Variants in NEDD4L observed in about 807,000 individuals in gnomAD.
NEDD4L encodes E3 ubiquitin-protein ligase NEDD4-like.
Under a neutral mutation model 148.9 loss-of-function variants are expected in NEDD4L, and 54 were observed. The observed-to-expected ratio is 0.36, with a 90% confidence interval of 0.29 to 0.45. The LOEUF is 0.45. Ranked by LOEUF, NEDD4L falls within the 20% of genes least tolerant of loss-of-function variation. The probability of loss-of-function intolerance (pLI) is 1.00; values close to 1 mark genes in which losing one functional copy is unlikely to be tolerated. For missense variants in NEDD4L, 856 were observed against 1,233.8 expected (o/e 0.69, Z 4.59); for synonymous variants, 433 against 440.7 (o/e 0.98, Z 0.22).
At chr18:58,361,536 C>T (rs1353008192) in intron 19 of NEDD4L, among the ~76,000 whole-genome samples, 1 of 152,182 alleles carries the variant, frequency 6.6e-6, no homozygotes, top group Non-Finnish European at 1.5e-5. Flanking sequence ...GTCAGAAGCT[C>T]AGAAAGCTTA....
At chr18:58,355,139 G>A (rs1456846410) in intron 18 of NEDD4L, among the ~76,000 whole-genome samples, 1 of 152,138 alleles carries the variant, frequency 6.6e-6, no homozygotes, top group Non-Finnish European at 1.5e-5. Flanking sequence ...AGATCCTTTT[G>A]GCAGAGCTGT....
At chr18:58,108,686 G>A (rs974616033) in intron 1 of NEDD4L, among the ~76,000 whole-genome samples, 48 of 152,228 alleles carry the variant, frequency 3.2e-4, no homozygotes, top group African/African-American at 1.2e-3. Context: ...CCCCCAAAGT[G>A]TTGCGATTAC....
rs2059738742 is a variant in NEDD4L at position 58,330,940 on chromosome 18, A to G, written c.990+26A>G. The stretch of plus-strand genomic sequence containing the variant: ...GTAAGTAGTGGCCTTGTTTGAAAGA[A>G]AAGCTGAGCAATGTTTTATTGTTTT... On this transcript the variant is annotated intron_variant, in intron 11 of 30. Transcript: ENST00000400345. 3 of 1,607,688 alleles carry G rather than the reference A, an allele frequency of 1.9e-6. No homozygotes were observed. In the East Asian group the frequency reaches 6.7e-5, roughly 36 times the overall value.
At chr18:58,159,230 T>A (rs557599120) in intron 1 of NEDD4L, among the ~76,000 whole-genome samples, 76 of 151,874 alleles carry the variant, frequency 5.0e-4, no homozygotes, top group South Asian at 4.2e-3. Context: ...TGAGATTTTT[T>A]AAAAAATGCA....
At chr18:58,197,482 C>G (rs2040855488) in intron 2 of NEDD4L, among the ~76,000 whole-genome samples, 1 of 152,176 alleles carries the variant, frequency 6.6e-6, no homozygotes, top group Admixed American at 6.5e-5. Context: ...CCTGAAACTA[C>G]CCACACCTGT....
chr18:58,347,645 T>A (rs1234051028), intron 16 of NEDD4L, among the ~76,000 whole-genome samples: 2 of 152,186 alleles, frequency 1.3e-5, no homozygotes, highest in Admixed American at 6.5e-5. Context: ...CTGCTTAGCC[T>A]TTTAAAAAAA....
intron 1 of NEDD4L, among the ~76,000 whole-genome samples, chr18:58,053,410 G>A (rs1272223556): frequency 2.6e-5 from 4 of 151,926 alleles, no homozygotes; most frequent in East Asian, 1.9e-4. Context: ...CCGGGTTCAC[G>A]CCATTCGCCT....
At chr18:58,049,601 AC>A (rs1236253130) in intron 1 of NEDD4L, among the ~76,000 whole-genome samples, 1 of 152,186 alleles carries the variant, frequency 6.6e-6, no homozygotes, top group Non-Finnish European at 1.5e-5. Flanking sequence ...TGTTTGAGAA[AC>A]AAATGTTAAA....
intron 23 of NEDD4L, 43 bp downstream of exon 23, chr18:58,370,510 G>A (rs145099646): frequency 2.3e-4 from 300 of 1,298,994 alleles, no homozygotes; most frequent in Non-Finnish European, 3.0e-4. Context: ...CCGGGCACTC[G>A]TGTCTTATGA....
chr18:58,121,711 CTA>C (rs750527761), intron 1 of NEDD4L, among the ~76,000 whole-genome samples: 16 of 152,276 alleles, frequency 1.1e-4, no homozygotes, highest in Non-Finnish European at 2.2e-4. Flanking sequence ...ACCTGGCCAA[CTA>C]TATGTTTTCT....
intron 1 of NEDD4L, among the ~76,000 whole-genome samples, chr18:58,132,971 T>G (rs957580341): frequency 6.6e-6 from 1 of 152,224 alleles, no homozygotes; most frequent in Non-Finnish European, 1.5e-5. Context: ...AGATGAATGC[T>G]GGCTTTGAAG....
intron 25 of NEDD4L, among the ~76,000 whole-genome samples, chr18:58,383,724 A>T (rs544603004): frequency 6.6e-6 from 1 of 152,242 alleles, no homozygotes; most frequent in Non-Finnish European, 1.5e-5. Flanking sequence ...TCCATAATAG[A>T]AATGTATAGA....
intron 1 of NEDD4L, among the ~76,000 whole-genome samples, chr18:58,126,771 T>G (rs2031183880): frequency 6.6e-6 from 1 of 152,226 alleles, no homozygotes; most frequent in African/African-American, 2.4e-5. Context: ...CAGCAGTCGG[T>G]TACCCTTTTC....
At chr18:58,332,206 G>A (rs1431281601) in intron 11 of NEDD4L, among the ~76,000 whole-genome samples, 1 of 152,080 alleles carries the variant, frequency 6.6e-6, no homozygotes, top group African/African-American at 2.4e-5. Context: ...TTATTTAAAT[G>A]AGGAGCTCCT....
At chr18:58,228,798 T>C (rs2044696141) in intron 2 of NEDD4L, among the ~76,000 whole-genome samples, 2 of 151,972 alleles carry the variant, frequency 1.3e-5, no homozygotes, top group African/African-American at 4.8e-5. Flanking sequence ...CGTTGGGGAG[T>C]ATCCACATAC....
intron 5 of NEDD4L, among the ~76,000 whole-genome samples, chr18:58,259,205 A>G (rs2049015070): frequency 6.6e-6 from 1 of 152,242 alleles, no homozygotes; most frequent in South Asian, 2.1e-4. Context: ...AAAATGTAAC[A>G]TGACTCCAAA....
At chr18:58,220,267 G>A (rs1001694715) in intron 2 of NEDD4L, among the ~76,000 whole-genome samples, 1 of 152,140 alleles carries the variant, frequency 6.6e-6, no homozygotes, top group African/African-American at 2.4e-5. Context: ...TTAGTGGAGC[G>A]TGGTGGCTCA....
At chr18:58,159,770 G>A (rs11152062) in intron 1 of NEDD4L, among the ~76,000 whole-genome samples, 1 of 152,010 alleles carries the variant, frequency 6.6e-6, no homozygotes, top group Non-Finnish European at 1.5e-5. Context: ...CTGTTTTAAT[G>A]CAGAGAGTGT....
chr18:58,156,469 G>A (rs2035510875), intron 1 of NEDD4L, among the ~76,000 whole-genome samples: 1 of 152,220 alleles, frequency 6.6e-6, no homozygotes, highest in Non-Finnish European at 1.5e-5. Flanking sequence ...CATGCATCAA[G>A]TGTTGTGTGA....
Sources: gnomAD v4.1 joint callset for allele counts (sites outside exome capture counted in the v4.1 genomes callset) on GRCh38, gnomAD v4.1.1 for gene constraint, MANE v1.5 for transcripts, NCBI Gene and HGNC (gene_info 2026-07-23, HGNC 2026-07-21) for gene names.